Variants in PLEKHG1 observed in about 807,000 individuals in gnomAD.
PLEKHG1 encodes the protein pleckstrin homology domain-containing family G member 1.
A neutral mutation model predicts 100.8 loss-of-function variants in PLEKHG1; 44 were observed. The ratio of observed to expected loss-of-function variants is 0.44; its 90% CI spans 0.34 to 0.56. The LOEUF is 0.56. Among genes scored for constraint, PLEKHG1 ranks in the 20% least tolerant of loss-of-function variants. The probability of loss-of-function intolerance (pLI) is 0.01; values close to 1 mark genes in which losing one functional copy is unlikely to be tolerated. For missense variants in PLEKHG1, 1,545 were observed against 1,720.9 expected, an observed-to-expected ratio of 0.90 and a Z score of 1.81; for synonymous variants, 640 against 662.5, an observed-to-expected ratio of 0.97 and a Z score of 0.52.
intron 1 of PLEKHG1, among the ~76,000 whole-genome samples, chr6:150,628,129 A>G (rs565313908): frequency 6.6e-6 from 1 of 152,322 alleles, no homozygotes; most frequent in South Asian, 2.1e-4. Context: ...TTGAACTCCA[A>G]GTGAATGTTT....
chr6:150,831,410 A>G lies in PLEKHG1; in HGVS notation c.2299A>G (p.Thr767Ala), dbSNP rs1281295435. The G allele has an allele frequency of 1.9e-6, 3 of 1,613,888 alleles. No individual in the cohort carries two copies. ...CAGCCTAAAGCGTGCAAAGCGGAGCACCTTTTTGGGTCTGGAGGCCGACTT... is the reference window on the plus strand; with the variant it reads ...CAGCCTAAAGCGTGCAAAGCGGAGCGCCTTTTTGGGTCTGGAGGCCGACTT... Residue 767 changes from threonine to alanine, a missense_variant, in exon 15 of 16, where the codon ACC (threonine) becomes GCC (alanine). Coordinates refer to ENST00000358517, the Ensembl canonical transcript of PLEKHG1. The surrounding 1 kb of genome is among the most constrained non-coding windows in gnomAD (Gnocchi z 4.1).
chr6:150,602,937 C>T (rs1776413721), intron 1 of PLEKHG1, among the ~76,000 whole-genome samples: 1 of 151,714 alleles, frequency 6.6e-6, no homozygotes, highest in Admixed American at 6.6e-5. Context: ...AAAAATTAGC[C>T]GGGCGAGGTG....
intron 1 of PLEKHG1, among the ~76,000 whole-genome samples, chr6:150,722,043 CA>C (rs1437090264): frequency 6.6e-6 from 1 of 151,978 alleles, no homozygotes; most frequent in African/African-American, 2.4e-5. Flanking sequence ...ATGAAAGGAA[CA>C]AAATTATTCG....
intron 1 of PLEKHG1, among the ~76,000 whole-genome samples, chr6:150,613,864 A>G (rs1776952953): frequency 1.3e-5 from 2 of 152,214 alleles, no homozygotes; most frequent in Admixed American, 1.3e-4. Context: ...CCACTGGTTT[A>G]TCTAGGTCTG....
chr6:150,629,253 G>A (rs577155735), intron 1 of PLEKHG1, among the ~76,000 whole-genome samples: 3 of 152,144 alleles, frequency 2.0e-5, no homozygotes, highest in East Asian at 3.9e-4. Flanking sequence ...CTCATTTTTC[G>A]GATATACCCT....
At chr6:150,800,841 G>A (rs746019837) in exon 6 of PLEKHG1, 21 of 1,613,880 alleles carry the variant, frequency 1.3e-5, no homozygotes, top group Non-Finnish European at 1.6e-5. Flanking sequence ...CCAGTTCAGC[G>A]GATTCTCAAG....
intron 1 of PLEKHG1, among the ~76,000 whole-genome samples, chr6:150,609,066 G>A (rs978595830): frequency 2.6e-5 from 4 of 152,184 alleles, no homozygotes; most frequent in Admixed American, 6.5e-5. Flanking sequence ...GAAGAAGGGC[G>A]TTAAGTTTCC....
exon 8 of PLEKHG1, chr6:150,809,211 C>G: frequency 1.2e-6 from 2 of 1,614,092 alleles, no homozygotes; most frequent in Non-Finnish European, 1.7e-6. Context: ...AATGAGCGGA[C>G]GCTCTTCCTC....
At position 150,726,049 on chromosome 6, in the gene PLEKHG1, G is replaced by A. The variant is rs531025346; in HGVS notation, c.-99+4849G>A. 1.5e-4 allele frequency among the ~76,000 whole-genome samples: 23 copies of A among 152,238 alleles called. No individual in the cohort carries two copies. In the Middle Eastern group the frequency reaches 0.01, roughly 68 times the overall value. ...AAATGCCACCTGACACCACTCTTAC[G>A]AAGAATGTAAAATAATCAAACTCAT... On this transcript the variant is annotated intron_variant, in intron 1 of 15. Coordinates refer to ENST00000358517, the Ensembl canonical transcript of PLEKHG1.
intron 3 of PLEKHG1, among the ~76,000 whole-genome samples, chr6:150,653,028 CA>C (rs1218435862): frequency 2.0e-5 from 3 of 152,260 alleles, no homozygotes; most frequent in Middle Eastern, 3.4e-3. Context: ...TTTCTTACTG[CA>C]GATCTTTATT....
chr6:150,750,719 T>C (rs865945196), intron 2 of PLEKHG1, among the ~76,000 whole-genome samples: 37 of 128,808 alleles, frequency 2.9e-4, no homozygotes, highest in African/African-American at 1.1e-3. Context: ...AGGCGGAGCT[T>C]GCAGTGAGCC....
At position 150,733,565 on chromosome 6, in the gene PLEKHG1, T is replaced by C. The variant is rs1452586980; in HGVS notation, c.-98-19T>C. 1 of 1,571,426 alleles carries C rather than the reference T, an allele frequency of 6.4e-7. No homozygotes were observed. Among genetic ancestry groups the C allele is most frequent in the Non-Finnish European group, 8.6e-7 (1 of 1,159,894 alleles). On this transcript the variant is annotated intron_variant, in intron 1 of 15. Coordinates refer to ENST00000358517, the Ensembl canonical transcript of PLEKHG1. The stretch of plus-strand genomic sequence containing the variant: ...AGAATTGCTTATCTTGTCCTTTTTA[T>C]TTTCTTTAATGCATATAGATGGGCA...
intron 14 of PLEKHG1, among the ~76,000 whole-genome samples, chr6:150,827,277 CTTTT>C (rs759695142): frequency 1.5e-5 from 2 of 130,374 alleles, no homozygotes; most frequent in African/African-American, 2.8e-5. Context: ...AAACTGCTTT[CTTTT>C]TTTTTTTTTT....
At chr6:150,771,003 G>A (rs931240248) in intron 3 of PLEKHG1, among the ~76,000 whole-genome samples, 8 of 152,296 alleles carry the variant, frequency 5.3e-5, no homozygotes, top group South Asian at 2.1e-4. Context: ...ATTCAGCCAC[G>A]TGCCCTCCTG....
At chr6:150,829,510 C>T (rs1776793669) in intron 14 of PLEKHG1, among the ~76,000 whole-genome samples, 1 of 152,048 alleles carries the variant, frequency 6.6e-6, no homozygotes, top group African/African-American at 2.4e-5. Context: ...CCCAGCTACT[C>T]CAGAGGCTGA....
At chr6:150,667,261 A>G (rs1779437076) in intron 3 of PLEKHG1, among the ~76,000 whole-genome samples, 1 of 152,132 alleles carries the variant, frequency 6.6e-6, no homozygotes, top group South Asian at 2.1e-4. Flanking sequence ...ATGTTTGCTC[A>G]CCAGTCTTTT....
intron 3 of PLEKHG1, among the ~76,000 whole-genome samples, chr6:150,658,719 C>G (rs1444208373): frequency 6.6e-6 from 1 of 152,190 alleles, no homozygotes; most frequent in Admixed American, 6.5e-5. Flanking sequence ...CACTTTGAAG[C>G]AGTGTTTGAT....
At chr6:150,809,701 T>A in exon 10 of PLEKHG1, 5 of 1,613,978 alleles carry the variant, frequency 3.1e-6, no homozygotes, top group Non-Finnish European at 4.2e-6. Flanking sequence ...AGAGACTGAT[T>A]CTGGAGAACC....
At chr6:150,695,890 A>G (rs11155747) in intron 3 of PLEKHG1, among the ~76,000 whole-genome samples, 5,695 of 152,256 alleles carry the variant, frequency 0.037, 330 homozygotes, top group African/African-American at 0.13. Flanking sequence ...TAGCTGTGAA[A>G]TGACTAAGTA....
Sources: gnomAD v4.1 joint callset for allele counts (sites outside exome capture counted in the v4.1 genomes callset) on GRCh38, gnomAD v4.1.1 for gene constraint, Gnocchi (gnomAD v3.1) non-coding constraint, MANE v1.5 for transcripts, NCBI Gene and HGNC (gene_info 2026-07-23, HGNC 2026-07-21) for gene names.